Variants in SNX27 observed in about 807,000 individuals in gnomAD.
The protein encoded by SNX27 is sorting nexin-27.
Under a neutral mutation model 71.6 loss-of-function variants are expected in SNX27, and 22 were observed. The observed-to-expected ratio is 0.31, with a 90% CI of 0.22 to 0.44. SNX27 has a LOEUF of 0.44. SNX27 is among the 20% of genes least tolerant of loss of function. The probability of loss-of-function intolerance (pLI) is 1.00; values close to 1 mark genes in which losing one functional copy is unlikely to be tolerated. For synonymous variants in SNX27, 269 were observed against 277.2 expected (o/e 0.97, Z 0.29); for missense variants, 531 against 698.6 (o/e 0.76, Z 2.70).
intron 7 of SNX27, chr1:151,680,511 A>T (rs910121811): frequency 6.6e-6 from 1 of 152,118 alleles, no homozygotes; most frequent in African/African-American, 2.4e-5. Flanking sequence ...CCATGTGTAA[A>T]AGAGCTCACT....
chr1:151,666,027 T>C lies in SNX27; in HGVS notation c.985+16T>C, dbSNP rs759030599. ...CACTCCTTTGGTAAGTACCAGTGGC[T>C]GATACTAAGTTTTGTTTTCTAATAC... is the stretch of plus-strand genomic sequence containing the variant. On this transcript the variant is annotated intron_variant, in intron 6 of 11. Transcript: ENST00000458013. 6.3e-7 allele frequency: 1 copy of C among 1,595,568 alleles called. No individual in the cohort carries two copies. Among genetic ancestry groups the C allele is most frequent in the Non-Finnish European group, 8.6e-7 (1 of 1,167,094 alleles).
At chr1:151,663,628 A>G (rs1366666828) in intron 5 of SNX27, among the ~76,000 whole-genome samples, 1 of 151,154 alleles carries the variant, frequency 6.6e-6, no homozygotes, top group East Asian at 1.9e-4. Flanking sequence ...GTGTCTCTAT[A>G]TTTTCTATAA....
intron 2 of SNX27, among the ~76,000 whole-genome samples, chr1:151,647,984 T>C (rs975391144): frequency 4.6e-5 from 7 of 151,620 alleles, no homozygotes; most frequent in Non-Finnish European, 8.8e-5. Context: ...TTTGTGCATT[T>C]AAGAAGTTAA....
At chr1:151,667,120 A>C (rs1385576546) in intron 6 of SNX27, 4 of 151,824 alleles carry the variant, frequency 2.6e-5, no homozygotes, top group African/African-American at 9.7e-5. Context: ...AAGCATGGTG[A>C]CACATGCAGG....
intron 1 of SNX27, among the ~76,000 whole-genome samples, chr1:151,637,749 T>C (rs1429543176): frequency 6.6e-6 from 1 of 152,240 alleles, no homozygotes; most frequent in African/African-American, 2.4e-5. Context: ...TACCAGACTC[T>C]GACAGAGACA....
intron 2 of SNX27, among the ~76,000 whole-genome samples, chr1:151,643,215 C>T (rs1263982652): frequency 2.0e-5 from 3 of 151,942 alleles, no homozygotes; most frequent in Admixed American, 6.6e-5. Flanking sequence ...CCGCCCGCCT[C>T]GGCCTCCCAA....
rs924369091 is a variant in SNX27 at position 151,663,677 on chromosome 1, C to T, written c.906+1407C>T. Among the ~76,000 whole-genome samples the T allele has an allele frequency of 2.6e-5, 4 of 152,222 alleles. No individual in the cohort carries two copies. In the East Asian group the frequency reaches 7.7e-4, roughly 29 times the overall value. On this transcript the variant is annotated intron_variant, in intron 5 of 11. Coordinates refer to ENST00000458013, the MANE Select transcript of SNX27 (RefSeq NM_001330723.2). ...CTAGAGGCTCAATTAGATTCAGGTT[C>T]TGCTTTTTTGATAATACTTCATAAT...
At chr1:151,651,428 G>A (rs923996570) in intron 2 of SNX27, among the ~76,000 whole-genome samples, 3 of 150,856 alleles carry the variant, frequency 2.0e-5, no homozygotes, top group Non-Finnish European at 3.0e-5. Flanking sequence ...GGGCGGAGAC[G>A]CTCCTCACTT....
At chr1:151,648,753 G>T (rs1669185934) in intron 2 of SNX27, among the ~76,000 whole-genome samples, 1 of 151,738 alleles carries the variant, frequency 6.6e-6, no homozygotes, top group African/African-American at 2.4e-5. Flanking sequence ...TTATTCCTTT[G>T]TGTAAATCTA....
intron 7 of SNX27, among the ~76,000 whole-genome samples, chr1:151,681,235 CTT>C (rs762924986): frequency 1.0e-3 from 63 of 60,682 alleles, no homozygotes; most frequent in East Asian, 0.01. Context: ...GTCTCTCAAT[CTT>C]TTTTTTTTTT....
intron 2 of SNX27, among the ~76,000 whole-genome samples, chr1:151,641,683 T>A (rs12029586): frequency 2.2e-5 from 3 of 136,310 alleles, no homozygotes; most frequent in East Asian, 2.2e-4. Context: ...CATATATATC[T>A]GATATATATA....
At chr1:151,684,061 A>C (rs1490883796) in intron 8 of SNX27, among the ~76,000 whole-genome samples, 1 of 152,248 alleles carries the variant, frequency 6.6e-6, no homozygotes, top group South Asian at 2.1e-4. Context: ...ATAAGATTGT[A>C]TAAGACCTGA....
intron 2 of SNX27, among the ~76,000 whole-genome samples, chr1:151,649,193 CT>C (rs1323691259): frequency 1.3e-5 from 2 of 152,030 alleles, no homozygotes; most frequent in Non-Finnish European, 2.9e-5. Context: ...AACTCCTGAC[CT>C]CGTGATCCAC....
At chr1:151,663,102 A>G (rs1670033771) in intron 5 of SNX27, among the ~76,000 whole-genome samples, 1 of 151,400 alleles carries the variant, frequency 6.6e-6, no homozygotes, top group Non-Finnish European at 1.5e-5. Flanking sequence ...GATTTTTTAC[A>G]TTTGGTTTGT....
At chr1:151,669,155 T>C (rs1017489112) in intron 7 of SNX27, 3 of 152,442 alleles carry the variant, frequency 2.0e-5, no homozygotes, top group Admixed American at 2.0e-4. Flanking sequence ...CAGCAGCATC[T>C]CTTCATTTCC....
At chr1:151,639,553 T>TTTCAGAAC (rs1452129772) in intron 2 of SNX27, among the ~76,000 whole-genome samples, 1 of 152,224 alleles carries the variant, frequency 6.6e-6, no homozygotes, top group Non-Finnish European at 1.5e-5. Context: ...GGTTCACCCA[T>TTTCAGAAC]TTCAGAACTT....
In SNX27 at chr1:151,692,436, ACCT is replaced by A; in HGVS notation, c.1243_1245del (p.Leu415del). On this transcript the variant is annotated inframe_deletion and splice_region_variant, in exon 9 of 12. Coordinates refer to ENST00000458013, the MANE Select transcript of SNX27 (RefSeq NM_001330723.2). ...TTTTTTTTTTTTTTTTTTTTTTAGTACCTCAACATGCTAAGGACTTGTGAGGGC... is the reference window on the plus strand; with the variant it reads ...TTTTTTTTTTTTTTTTTTTTTTAGTACAACATGCTAAGGACTTGTGAGGGC... The A allele has an allele frequency of 5.2e-6, 2 of 383,410 alleles. No individual in the cohort carries two copies. Among genetic ancestry groups the A allele is most frequent in the East Asian group, 5.5e-5 (1 of 18,096 alleles). 23.8% of individuals were successfully genotyped at this position (383,410 alleles called of 1,614,324 possible). A position where few individuals can be genotyped will look rare whatever the true frequency, so the allele number is the denominator to read the frequency against.
At chr1:151,660,492 A>T (rs1353472569) in intron 3 of SNX27, 1 of 231,144 alleles carries the variant, frequency 4.3e-6, no homozygotes, top group Non-Finnish European at 8.6e-6. Context: ...CTGCTTGTTA[A>T]TAGGTCACAC....
In SNX27 at chr1:151,658,301, C is replaced by T; in HGVS notation, c.610C>T (p.His204Tyr). 4 of 1,614,166 alleles carry T rather than the reference C, an allele frequency of 2.5e-6. No homozygotes were observed. The highest frequency in any genetic ancestry group is 3.4e-6 in the Non-Finnish European group (4 of 1,180,024). ...GCGGTACCGGGAGTTTGCTATCCTA[C>T]ACCAGAACCTGAAGAGAGAGTTTGC... ...SKRYREFAIL[H>Y]QNLKREFANF... Residue 204 changes from histidine to tyrosine, a missense_variant, in exon 3 of 12, where the codon CAC (histidine) becomes TAC (tyrosine). Coordinates refer to ENST00000458013, the MANE Select transcript of SNX27 (RefSeq NM_001330723.2).
Sources: allele counts gnomAD v4.1 joint callset (sites outside exome capture counted in the v4.1 genomes callset), GRCh38; gene constraint gnomAD v4.1.1; transcripts MANE v1.5; gene names NCBI Gene and HGNC (gene_info 2026-07-23, HGNC 2026-07-21).